The following CEACAM20 variants were observed in gnomAD, a reference collection of about 807,000 sequenced individuals.
CEACAM20 encodes the protein cell adhesion molecule CEACAM20.
In CEACAM20, 50 loss-of-function variants were observed where a neutral mutation model predicts 61.2. The ratio of observed to expected loss-of-function variants is 0.82; its 90% CI spans 0.65 to 1.03. CEACAM20 has a LOEUF of 1.03. Among genes scored for constraint, CEACAM20 ranks in the 50% least tolerant of loss-of-function variants. CEACAM20 has a pLI of 0.00. For missense variants in CEACAM20, 683 were observed against 736.4 expected (o/e 0.93, Z 0.84); for synonymous variants, 282 against 287.7 (o/e 0.98, Z 0.20).
chr19:44,528,132 ATC>A (rs1281936665), intron 1 of CEACAM20, among the ~76,000 whole-genome samples: 3 of 145,658 alleles, frequency 2.1e-5, no homozygotes, highest in East Asian at 2.0e-4. Context: ...TCCCACTGGT[ATC>A]TCTTTCTTTC....
At chr19:44,525,824 T>TG (rs938542511) in intron 1 of CEACAM20, among the ~76,000 whole-genome samples, 45 of 152,290 alleles carry the variant, frequency 3.0e-4, no homozygotes, top group African/African-American at 8.7e-4. Context: ...AGGGTTGTTG[T>TG]GGGGGTGGCA....
rs781222936 is a variant in CEACAM20 at position 44,511,081 on chromosome 19, G to A, written c.1686C>T (p.Pro562=). 6.2e-7 allele frequency: 1 copy of A among 1,613,908 alleles called. No individual in the cohort carries two copies. The highest frequency in any genetic ancestry group is 2.2e-5 in the East Asian group (1 of 44,872). The change falls in exon 11 of 12, where the codon CCC becomes CCT. Residue 562 remains proline, a synonymous_variant. Transcript: ENST00000614924. ...PWKPPPKPLM[P]PLRLVSTVPK... ...GCACAGTGGAGACCAATCTGAGTGG[G>A]GGCATCAGAGGTTTGGGTGGTGGCT... is the stretch of plus-strand genomic sequence containing the variant.
At position 44,529,513 on chromosome 19, in the gene CEACAM20, T is replaced by C. The variant is rs781123284; in HGVS notation, c.-4A>G. 2 of 1,613,644 alleles carry C rather than the reference T, an allele frequency of 1.2e-6. No homozygotes were observed. The highest frequency in any genetic ancestry group is 1.7e-6 in the Non-Finnish European group (2 of 1,179,746). Reference sequence around the variant, plus strand: ...CCCATGAGTCAGCAGGCCCCATGGGTCCCGGCACCTGACTTCAGTGTGCCA... The same window carrying C: ...CCCATGAGTCAGCAGGCCCCATGGGCCCCGGCACCTGACTTCAGTGTGCCA... On this transcript the variant is annotated 5_prime_UTR_variant, in exon 1 of 12. Transcript: ENST00000614924.
At chr19:44,528,424 C>A (rs904891782) in intron 1 of CEACAM20, among the ~76,000 whole-genome samples, 1 of 152,132 alleles carries the variant, frequency 6.6e-6, no homozygotes, top group Non-Finnish European at 1.5e-5. Flanking sequence ...GACGGTTTCA[C>A]CATCTTGGCT....
intron 1 of CEACAM20, among the ~76,000 whole-genome samples, chr19:44,528,654 GTCTC>G (rs937710487): frequency 1.0e-4 from 15 of 147,700 alleles, no homozygotes; most frequent in African/African-American, 3.7e-4. Flanking sequence ...ATCTTTCTCT[GTCTC>G]TCTCTCTTTC....
chr19:44,525,338 T>TA, intron 1 of CEACAM20, 94 bp from the exon 2 acceptor site: 1 of 1,245,986 alleles, frequency 8.0e-7, no homozygotes, highest in Non-Finnish European at 1.1e-6. Flanking sequence ...TCTGAGGCCA[T>TA]AGGACTGGCA....
chr19:44,508,750 A>T (rs1273438815), intron 11 of CEACAM20, among the ~76,000 whole-genome samples: 2 of 152,196 alleles, frequency 1.3e-5, no homozygotes, highest in Non-Finnish European at 2.9e-5. Context: ...TGTTACCAGG[A>T]AGCTTAGAGA....
intron 2 of CEACAM20, 128 bp from the exon 3 acceptor site, chr19:44,524,389 G>T: frequency 9.9e-7 from 1 of 1,012,904 alleles, no homozygotes; most frequent in Non-Finnish European, 1.4e-6. Context: ...GGAGTTGGAT[G>T]CCTGGGCTTG....
intron 6 of CEACAM20, 56 bp from the exon 7 acceptor site, chr19:44,513,345 C>A: frequency 8.5e-7 from 1 of 1,178,724 alleles, no homozygotes; most frequent in East Asian, 2.4e-5. Flanking sequence ...TCCCTGCTCC[C>A]AGCCCGTTCC....
chr19:44,516,911 C>A, intron 6 of CEACAM20, 35 bp downstream of exon 6: 1 of 1,568,334 alleles, frequency 6.4e-7, no homozygotes, highest in Non-Finnish European at 8.6e-7. Flanking sequence ...AAAGGCCCCT[C>A]GGGTCCTGGG....
rs750168265 is a variant in CEACAM20, at chr19:44,520,550, G to C, written c.954C>G (p.Asp318Glu). Residue 318 changes from aspartate (D) to glutamate (E), a missense_variant, in exon 5 of 12, where the codon GAC (aspartate) becomes GAG (glutamate). Physicochemically the swap from Asp to Glu is conservative, Grantham distance 45. Transcript: ENST00000614924. ...TLIIHGLQRN[D>E]TGPYACEVWN... The stretch of plus-strand genomic sequence containing the variant: ...AGACCTCACAGGCATAGGGCCCGGT[G>C]TCATTCCGCTGGAGGCCATGGATGA... 3 of 1,614,032 alleles carry C rather than the reference G, an allele frequency of 1.9e-6. No individual in the cohort carries two copies. Among genetic ancestry groups the C allele is most frequent in the Non-Finnish European group, 2.5e-6 (3 of 1,179,900 alleles).
rs566520123 is a variant in CEACAM20 at position 44,519,491 on chromosome 19, T to C, written c.1030+983A>G. 9.2e-5 allele frequency among the ~76,000 whole-genome samples: 14 copies of C among 152,280 alleles called. No homozygotes were observed. In the East Asian group the frequency reaches 2.7e-3, roughly 29 times the overall value. ...CCCTACTGCTTCGCATGTATGAAAG[T>C]GCACCCCTCCTTTCTCTCCCTGCAG... On this transcript the variant is annotated intron_variant, in intron 5 of 11. Coordinates refer to ENST00000614924, the MANE Select transcript of CEACAM20 (RefSeq NM_001102597.3).
chr19:44,510,694 G>A (rs374404883), intron 11 of CEACAM20, among the ~76,000 whole-genome samples: 36 of 152,058 alleles, frequency 2.4e-4, no homozygotes, highest in African/African-American at 8.0e-4. Flanking sequence ...GCTGGGATGG[G>A]GGGAAATAGA....
At chr19:44,517,716 A>T (rs1017063180) in intron 5 of CEACAM20, among the ~76,000 whole-genome samples, 3 of 151,596 alleles carry the variant, frequency 2.0e-5, no homozygotes, top group Admixed American at 2.0e-4. Context: ...AAAAAAAGAA[A>T]AAAAACTGCC....
At chr19:44,507,851 G>A (rs1044871730) in intron 11 of CEACAM20, among the ~76,000 whole-genome samples, 5 of 152,120 alleles carry the variant, frequency 3.3e-5, no homozygotes, top group African/African-American at 9.7e-5. Context: ...GGCCATGATC[G>A]CACTACTGCA....
At chr19:44,507,179 C>T (rs1440476187) in intron 11 of CEACAM20, among the ~76,000 whole-genome samples, 1 of 152,148 alleles carries the variant, frequency 6.6e-6, no homozygotes, top group African/African-American at 2.4e-5. Flanking sequence ...CACCATATGA[C>T]CTTATTCTGG....
intron 4 of CEACAM20, 38 bp from the exon 5 acceptor site, chr19:44,520,790 G>T: frequency 6.3e-7 from 1 of 1,588,340 alleles, no homozygotes; most frequent in Non-Finnish European, 8.6e-7. Flanking sequence ...GGTTCAGGGA[G>T]ATTTCCCTCA....
chr19:44,515,353 C>T (rs1254068772), intron 6 of CEACAM20, among the ~76,000 whole-genome samples: 3 of 152,164 alleles, frequency 2.0e-5, no homozygotes, highest in Non-Finnish European at 2.9e-5. Context: ...ACTGAACTCC[C>T]TGCTGCCTTC....
At chr19:44,528,679 C>G (rs1010422954) in intron 1 of CEACAM20, among the ~76,000 whole-genome samples, 1 of 151,844 alleles carries the variant, frequency 6.6e-6, no homozygotes, top group Non-Finnish European at 1.5e-5. Flanking sequence ...TCTGTGTACA[C>G]AGACACACAA....
Sources: gnomAD v4.1 joint callset for allele counts (sites outside exome capture counted in the v4.1 genomes callset) on GRCh38, gnomAD v4.1.1 for gene constraint, MANE v1.5 for transcripts, NCBI Gene and HGNC (gene_info 2026-07-23, HGNC 2026-07-21) for gene names.